Variants in BANP observed in about 807,000 individuals in gnomAD.
The protein encoded by BANP is BTG3 associated nuclear protein.
In BANP, 11 loss-of-function variants were observed where a neutral mutation model predicts 68.1. The observed-to-expected ratio is 0.16, with a 90% confidence interval of 0.10 to 0.27. The LOEUF (loss-of-function observed/expected upper bound fraction) is 0.27, where lower values mean the gene tolerates loss of function less well. Ranked by LOEUF, BANP falls within the 10% of genes least tolerant of loss-of-function variation. The pLI is 1.00. For synonymous variants in BANP, 329 were observed against 303.2 expected, an observed-to-expected ratio of 1.09 and a Z score of -0.88; for missense variants, 504 against 722.7, an observed-to-expected ratio of 0.70 and a Z score of 3.47.
intron 11 of BANP, among the ~76,000 whole-genome samples, chr16:88,048,975 C>T (rs924596032): frequency 5.9e-5 from 9 of 152,172 alleles, no homozygotes; most frequent in Admixed American, 2.0e-4. Context: ...GTTGGCAAAG[C>T]TCTGCAGACC....
chr16:88,058,584 G>T (rs2085779778), intron 11 of BANP, among the ~76,000 whole-genome samples: 1 of 152,152 alleles, frequency 6.6e-6, no homozygotes, highest in Non-Finnish European at 1.5e-5. Flanking sequence ...GGGGAACGTG[G>T]CCAAGGTTTA....
intron 11 of BANP, among the ~76,000 whole-genome samples, chr16:88,040,327 C>A (rs1351068470): frequency 1.3e-5 from 2 of 151,216 alleles, no homozygotes; most frequent in African/African-American, 4.9e-5. Flanking sequence ...ATGCAGGCTT[C>A]GTCCTCCGGG....
At chr16:88,027,151 G>A (rs1567798617) in intron 7 of BANP, among the ~76,000 whole-genome samples, 1 of 152,276 alleles carries the variant, frequency 6.6e-6, no homozygotes, top group Non-Finnish European at 1.5e-5. Flanking sequence ...GGAAGTTGGG[G>A]CGTGGAAGGT....
At chr16:87,986,894 T>G (rs1053347805) in intron 4 of BANP, among the ~76,000 whole-genome samples, 4 of 152,184 alleles carry the variant, frequency 2.6e-5, no homozygotes, top group African/African-American at 9.7e-5. Flanking sequence ...ATCAACCTAT[T>G]GTAGAATATA....
At chr16:87,961,313 G>C (rs531251242) in intron 1 of BANP, among the ~76,000 whole-genome samples, 1 of 151,782 alleles carries the variant, frequency 6.6e-6, no homozygotes, top group South Asian at 2.1e-4. Context: ...TCCTTGTAAG[G>C]CTGCATTTTA....
At chr16:88,023,971 G>C (rs1463439728) in intron 7 of BANP, among the ~76,000 whole-genome samples, 7 of 152,248 alleles carry the variant, frequency 4.6e-5, no homozygotes, top group Admixed American at 2.0e-4. Flanking sequence ...AGGGTGTTCT[G>C]CTCCCAGGTG....
chr16:88,051,163 G>A (rs935903437), intron 11 of BANP, among the ~76,000 whole-genome samples: 3 of 152,220 alleles, frequency 2.0e-5, no homozygotes, highest in Non-Finnish European at 4.4e-5. Flanking sequence ...CGCAGCATGA[G>A]ATCAAGGCTC....
intron 8 of BANP, 102 bp downstream of exon 8, chr16:88,027,752 T>C: frequency 1.4e-6 from 2 of 1,403,480 alleles, no homozygotes; most frequent in Non-Finnish European, 2.0e-6. Flanking sequence ...GCTCCACCAG[T>C]GGCCGGGAGC....
At chr16:88,055,323 G>A (rs1052582363) in intron 11 of BANP, among the ~76,000 whole-genome samples, 4 of 151,546 alleles carry the variant, frequency 2.6e-5, no homozygotes, top group Admixed American at 2.0e-4. Flanking sequence ...ATATGTGTAC[G>A]TACACATGAC....
intron 8 of BANP, among the ~76,000 whole-genome samples, chr16:88,029,428 T>C (rs2077661879): frequency 6.7e-6 from 1 of 149,420 alleles, no homozygotes; most frequent in South Asian, 2.1e-4. Flanking sequence ...GCTAACACGG[T>C]GAAACCCCGT....
chr16:87,971,609 CTGTATCTTGGTGTTCTGTCTTGGTGT>C (rs1352267626), intron 1 of BANP, among the ~76,000 whole-genome samples: 1 of 137,226 alleles, frequency 7.3e-6, no homozygotes, highest in Non-Finnish European at 1.6e-5. Context: ...TTTTATTGGG[CTGTATCTTGGTGTTCTGTCTTGGTGT>C]TGTATCTTGG....
At chr16:87,962,278 A>G (rs770859285) in intron 1 of BANP, among the ~76,000 whole-genome samples, 2 of 140,070 alleles carry the variant, frequency 1.4e-5, no homozygotes, top group Admixed American at 1.5e-4. Flanking sequence ...TTTTTCCTTT[A>G]TGTAATAAAT....
chr16:88,034,686 C>A (rs1364195409), intron 9 of BANP, among the ~76,000 whole-genome samples: 1 of 152,160 alleles, frequency 6.6e-6, no homozygotes, highest in Non-Finnish European at 1.5e-5. Context: ...TCTATTTCCC[C>A]TCTTTTCTGT....
intron 1 of BANP, among the ~76,000 whole-genome samples, chr16:87,973,753 C>CAAAAAAAA (rs58334556): frequency 4.3e-4 from 43 of 99,362 alleles, no homozygotes; most frequent in South Asian, 1.3e-3. Flanking sequence ...AACTCCATCA[C>CAAAAAAAA]AAAAAAAAAA....
chr16:88,016,051 G>A (rs1216590486), intron 6 of BANP, among the ~76,000 whole-genome samples: 3 of 152,148 alleles, frequency 2.0e-5, no homozygotes, highest in Non-Finnish European at 4.4e-5. Context: ...GCCACCAGGG[G>A]CCACAAGCAA....
At chr16:88,066,573 G>A (rs562850971) in intron 12 of BANP, among the ~76,000 whole-genome samples, 4 of 152,188 alleles carry the variant, frequency 2.6e-5, no homozygotes, top group African/African-American at 9.7e-5. Flanking sequence ...TTTATTTTCA[G>A]CTGAGCTGTG....
chr16:88,057,559 C>T lies in BANP; in HGVS notation c.1312-7708C>T, dbSNP rs926721602. Reference sequence around the variant, plus strand: ...CTTCATGCTGATTCTGTTTAGGCCCCGGCTTTTCCCTCATGCAAAATGCAG... The same window carrying T: ...CTTCATGCTGATTCTGTTTAGGCCCTGGCTTTTCCCTCATGCAAAATGCAG... On this transcript the variant is annotated intron_variant, in intron 11 of 13. Coordinates refer to ENST00000682872, the MANE Select transcript of BANP (RefSeq NM_001386991.1). The surrounding 1 kb of genome is among the most constrained non-coding windows in gnomAD (Gnocchi z 4.6). 3.9e-5 allele frequency among the ~76,000 whole-genome samples: 6 copies of T among 152,080 alleles called. No homozygotes were observed. Among genetic ancestry groups the T allele is most frequent in the Admixed American group, 1.3e-4 (2 of 15,266 alleles).
At chr16:87,987,712 CAAAAAAAAAAAAAA>C (rs66648819) in intron 4 of BANP, among the ~76,000 whole-genome samples, 2 of 30,370 alleles carry the variant, frequency 6.6e-5, no homozygotes, top group Admixed American at 5.7e-4. Flanking sequence ...GACCCTAACT[CAAAAAAAAAAAAAA>C]AAAAAAAAAA....
At chr16:88,019,273 G>A (rs933339331) in intron 7 of BANP, among the ~76,000 whole-genome samples, 2 of 152,154 alleles carry the variant, frequency 1.3e-5, no homozygotes, top group African/African-American at 2.4e-5. Context: ...GGGCGCTCAG[G>A]TCCTCCTTGC....
Sources: allele counts gnomAD v4.1 joint callset (sites outside exome capture counted in the v4.1 genomes callset), GRCh38; gene constraint gnomAD v4.1.1; non-coding constraint Gnocchi (gnomAD v3.1); transcripts MANE v1.5; gene names NCBI Gene and HGNC (gene_info 2026-07-23, HGNC 2026-07-21).